The following ALG12 variants were observed in gnomAD, a reference collection of about 807,000 sequenced individuals.
ALG12 encodes the protein dol-P-Man:Man(7)GlcNAc(2)-PP-Dol alpha-1,6-mannosyltransferase.
A neutral mutation model predicts 46.0 loss-of-function variants in ALG12; 36 were observed. That is an observed-to-expected ratio of 0.78 (90% CI 0.60 to 1.03). ALG12 has a LOEUF of 1.03. ALG12 is among the 50% of genes least tolerant of loss of function. The pLI, the probability that ALG12 is intolerant of heterozygous loss-of-function variation, is 0.00. For missense variants in ALG12, 599 were observed against 633.5 expected, an observed-to-expected ratio of 0.95 and a Z score of 0.58; for synonymous variants, 326 against 291.6, an observed-to-expected ratio of 1.12 and a Z score of -1.20.
At chr22:49,870,779 C>T in the ALG12 span, among the ~76,000 whole-genome samples, 1 of 151,908 alleles carries the variant, frequency 6.6e-6, no homozygotes, top group African/African-American at 2.4e-5. Flanking sequence ...TTTATTCTGT[C>T]GATGGTCTCC....
At chr22:49,917,831 G>C (rs2146623030) in intron 1 of ALG12, among the ~76,000 whole-genome samples, 1 of 147,822 alleles carries the variant, frequency 6.8e-6, no homozygotes, top group Non-Finnish European at 1.5e-5. Flanking sequence ...GAACATGAGC[G>C]AGTGTTCATC....
chr22:49,879,302 T>G, the ALG12 span, among the ~76,000 whole-genome samples: 1 of 149,532 alleles, frequency 6.7e-6, no homozygotes, highest in East Asian at 2.0e-4. Context: ...TTTTTTTGTA[T>G]TTTTAGTAGA....
chr22:49,906,144 G>A lies in ALG12; in HGVS notation c.992+1577C>T, dbSNP rs529146688. 6.6e-6 allele frequency among the ~76,000 whole-genome samples: 1 copy of A among 152,268 alleles called. No homozygotes were observed. The highest frequency in any genetic ancestry group is 6.5e-5 in the Admixed American group (1 of 15,296). On this transcript the variant is annotated intron_variant, in intron 7 of 9. Transcript: ENST00000330817. This position sits in a 1 kb window ranked among gnomAD's most constrained non-coding sequence, Gnocchi z 4.4. ...GGATAAGGCCGACTGGCACAGCAGG[G>A]GCCCTTGCATGGAGCAGCCCCTCAC...
the ALG12 span, among the ~76,000 whole-genome samples, chr22:49,881,434 G>A: frequency 6.6e-6 from 1 of 152,230 alleles, no homozygotes; most frequent in Admixed American, 6.5e-5. Flanking sequence ...TGGCCAGGCT[G>A]GAGTGCAGTG....
rs773878720 is a variant in ALG12 at position 49,913,440 on chromosome 22, G to T, written c.240C>A (p.Pro80=). The stretch of plus-strand genomic sequence containing the variant: ...CTAACAGCGAAAGCACGTAAACCGC[G>T]GGGCTGGAGAACACTGCGATCACCA... ...GPVVIAVFSS[P]AVYVLSLLEM... is the part of the protein sequence containing the mutation. Residue 80 remains proline (P), a synonymous_variant, in exon 3 of 10, where the codon CCC becomes CCA. Coordinates refer to ENST00000330817, the MANE Select transcript of ALG12 (RefSeq NM_024105.4). 1.9e-6 allele frequency: 3 copies of T among 1,613,886 alleles called. No homozygotes were observed. In the Admixed American group the frequency reaches 5.0e-5, roughly 27 times the overall value.
chr22:49,884,513 C>A, the ALG12 span: 1 of 1,614,182 alleles, frequency 6.2e-7, no homozygotes, highest in Non-Finnish European at 8.5e-7. Context: ...ACCTCTGGGT[C>A]CAGGAGAAGG....
chr22:49,863,551 G>C, the ALG12 span, among the ~76,000 whole-genome samples: 2 of 151,924 alleles, frequency 1.3e-5, no homozygotes, highest in Non-Finnish European at 1.5e-5. Context: ...TGCTTGAACC[G>C]GGGAGGCGGA....
chr22:49,884,157 C>T, the ALG12 span: 3 of 1,613,148 alleles, frequency 1.9e-6, no homozygotes, highest in African/African-American at 4.0e-5. Context: ...GGCGCGCACA[C>T]CCGACCGTGC....
chr22:49,896,347 G>A (rs1057315029), downstream of ALG12, among the ~76,000 whole-genome samples: 2 of 152,210 alleles, frequency 1.3e-5, no homozygotes, highest in Non-Finnish European at 2.9e-5. Flanking sequence ...GACCTTGTTC[G>A]GCTGGAGTGG....
chr22:49,872,459 A>G, the ALG12 span, among the ~76,000 whole-genome samples: 2 of 152,210 alleles, frequency 1.3e-5, no homozygotes, highest in African/African-American at 2.4e-5. Flanking sequence ...CATGAGGGTT[A>G]GAATTAACTT....
At chr22:49,868,957 C>CA in the ALG12 span, among the ~76,000 whole-genome samples, 42 of 131,724 alleles carry the variant, frequency 3.2e-4, no homozygotes, top group Non-Finnish European at 3.9e-4. Context: ...ACTAAAAATA[C>CA]AAAAAAAAAA....
At chr22:49,873,303 G>C in the ALG12 span, among the ~76,000 whole-genome samples, 2 of 152,122 alleles carry the variant, frequency 1.3e-5, no homozygotes, top group Non-Finnish European at 2.9e-5. Flanking sequence ...AGGATTAATC[G>C]GCCTAATTCT....
chr22:49,885,423 C>T, the ALG12 span: 1 of 1,608,782 alleles, frequency 6.2e-7, no homozygotes. Flanking sequence ...GGACCATCAG[C>T]CGGGGGAAGA....
At chr22:49,887,059 A>G in the ALG12 span, 2 of 1,614,164 alleles carry the variant, frequency 1.2e-6, no homozygotes, top group Non-Finnish European at 1.7e-6. Flanking sequence ...CCCTTCAGAA[A>G]AGCTGTTCAA....
At chr22:49,918,004 G>GCCCCAGGTGAGAGGTCC (rs1601831898) in intron 1 of ALG12, among the ~76,000 whole-genome samples, 4 of 95,098 alleles carry the variant, frequency 4.2e-5, no homozygotes, top group South Asian at 4.3e-4. Context: ...GTGAGAGGTC[G>GCCCCAGGTGAGAGGTCC]GGCCCCCGGA....
At chr22:49,892,655 C>G in the ALG12 span, among the ~76,000 whole-genome samples, 1 of 152,202 alleles carries the variant, frequency 6.6e-6, no homozygotes, top group South Asian at 2.1e-4. Flanking sequence ...CCAGGTGAGT[C>G]CCCTGAAGGG....
intron 1 of ALG12, among the ~76,000 whole-genome samples, chr22:49,917,705 CT>C (rs111244256): frequency 2.4e-3 from 340 of 142,788 alleles, no homozygotes; most frequent in Middle Eastern, 3.8e-3. Context: ...TCAGATGTTA[CT>C]TTTTTTTTTT....
chr22:49,904,741 AATAT>A (rs966079211), intron 7 of ALG12, among the ~76,000 whole-genome samples: 2 of 152,006 alleles, frequency 1.3e-5, no homozygotes, highest in Non-Finnish European at 2.9e-5. Flanking sequence ...GAGATTTTAA[AATAT>A]ATATATATTT....
chr22:49,917,718 T>TA (rs1011615114), intron 1 of ALG12, among the ~76,000 whole-genome samples: 3 of 151,698 alleles, frequency 2.0e-5, no homozygotes, highest in Non-Finnish European at 2.9e-5. Flanking sequence ...TTTTTTTTTT[T>TA]AAATGTGCAG....
Sources: gnomAD v4.1 joint callset for allele counts (sites outside exome capture counted in the v4.1 genomes callset) on GRCh38, gnomAD v4.1.1 for gene constraint, Gnocchi (gnomAD v3.1) non-coding constraint, MANE v1.5 for transcripts, NCBI Gene and HGNC (gene_info 2026-07-23, HGNC 2026-07-21) for gene names.